CCDC149: variants seen among roughly 807,000 people sequenced by gnomAD.
The protein encoded by CCDC149 is coiled-coil domain containing 149.
A neutral mutation model predicts 59.9 loss-of-function variants in CCDC149; 45 were observed. That is an observed-to-expected ratio of 0.75 (90% CI 0.59 to 0.96). CCDC149 has a LOEUF of 0.96. Among genes scored for constraint, CCDC149 ranks in the 40% least tolerant of loss-of-function variants. The pLI, the probability that CCDC149 is intolerant of heterozygous loss-of-function variation, is 0.00. For missense variants in CCDC149, 584 were observed against 664.7 expected (o/e 0.88, Z 1.33); for synonymous variants, 245 against 260.6 (o/e 0.94, Z 0.58).
chr4:24,930,541 T>G (rs373962958), intron 1 of CCDC149, among the ~76,000 whole-genome samples: 9 of 152,326 alleles, frequency 5.9e-5, no homozygotes, highest in African/African-American at 1.7e-4. Context: ...GCAAATGATT[T>G]TTTTCTACTT....
intron 1 of CCDC149, among the ~76,000 whole-genome samples, chr4:24,934,881 G>A (rs1722696203): frequency 6.6e-6 from 1 of 152,218 alleles, no homozygotes; most frequent in Admixed American, 6.5e-5. Context: ...AACAGTTGAT[G>A]GAGACAGAGA....
chr4:24,837,481 T>C lies in CCDC149; in HGVS notation c.490-81A>G, dbSNP rs1036312558. 7 of 1,393,846 alleles carry C rather than the reference T, an allele frequency of 5.0e-6. No homozygotes were observed. Among genetic ancestry groups the C allele is most frequent in the East Asian group, 4.6e-5 (2 of 43,604 alleles). The allele number at this position is 1,393,846 out of a possible 1,614,324, so 86.3% of individuals were successfully genotyped here. On this transcript the variant is annotated intron_variant, in intron 5 of 12. Transcript: ENST00000635206. The surrounding 1 kb of genome is among the most constrained non-coding windows in gnomAD (Gnocchi z 4.3). ...GCCAGAGATGGAGCCTCCCACTTGG[T>C]TGACTGATTTTTAGAGAGTTTATTA... is the stretch of plus-strand genomic sequence containing the variant.
intron 1 of CCDC149, among the ~76,000 whole-genome samples, chr4:24,969,230 G>A (rs1723890368): frequency 1.3e-5 from 2 of 152,322 alleles, no homozygotes; most frequent in Non-Finnish European, 2.9e-5. Flanking sequence ...TTGACCAGGT[G>A]GTAAGTAGAC....
intron 4 of CCDC149, among the ~76,000 whole-genome samples, chr4:24,848,173 T>C (rs757020305): frequency 4.6e-5 from 7 of 152,170 alleles, no homozygotes; most frequent in Admixed American, 1.3e-4. Flanking sequence ...CCAGGGTCCA[T>C]GCTGTCTACG....
At chr4:24,881,653 T>TG (rs1315986355) in intron 1 of CCDC149, among the ~76,000 whole-genome samples, 8 of 152,178 alleles carry the variant, frequency 5.3e-5, no homozygotes, top group Admixed American at 1.3e-4. Context: ...TGGGACTGTC[T>TG]GGGGGGGAGA....
chr4:24,899,020 C>A (rs1384495235), intron 1 of CCDC149, among the ~76,000 whole-genome samples: 2 of 152,084 alleles, frequency 1.3e-5, no homozygotes, highest in African/African-American at 4.8e-5. Flanking sequence ...TTCTGCAGTC[C>A]CTAGAAAGCC....
intron 9 of CCDC149, chr4:24,829,573 G>A (rs914888327): frequency 1.3e-5 from 2 of 152,102 alleles, no homozygotes; most frequent in Non-Finnish European, 2.9e-5. Context: ...AATTAAAGAA[G>A]GAAGAGACTC....
At chr4:24,860,333 T>C (rs1457207694) in intron 3 of CCDC149, among the ~76,000 whole-genome samples, 1 of 151,932 alleles carries the variant, frequency 6.6e-6, no homozygotes, top group Non-Finnish European at 1.5e-5. Context: ...AACAAAAACA[T>C]AAGGTACGGA....
At chr4:24,813,492 A>ATATCTATATCTATATC (rs1469334407) in intron 12 of CCDC149, among the ~76,000 whole-genome samples, 5 of 6,448 alleles carry the variant, frequency 7.8e-4, no homozygotes, top group African/African-American at 1.1e-3. Flanking sequence ...CTTGGGGAAT[A>ATATCTATATCTATATC]TATATATATA....
chr4:24,803,780 C>A (rs1159705007), downstream of CCDC149, among the ~76,000 whole-genome samples: 4 of 152,152 alleles, frequency 2.6e-5, no homozygotes, highest in Non-Finnish European at 5.9e-5. This position sits in a 1 kb window ranked among gnomAD's most constrained non-coding sequence, Gnocchi z 4.3. Context: ...CAATATTATG[C>A]AAACTTTCCC....
intron 1 of CCDC149, among the ~76,000 whole-genome samples, chr4:24,922,007 G>A (rs1722307683): frequency 6.6e-6 from 1 of 152,146 alleles, no homozygotes; most frequent in African/African-American, 2.4e-5. Context: ...CCTTCCAAGG[G>A]CTTTGAGAGA....
intron 1 of CCDC149, among the ~76,000 whole-genome samples, chr4:24,888,635 T>C (rs1720341124): frequency 6.6e-6 from 1 of 152,160 alleles, no homozygotes; most frequent in Admixed American, 6.5e-5. Context: ...GGTTTGGTTA[T>C]CTATGGAGTA....
intron 9 of CCDC149, 200 bp downstream of exon 9, chr4:24,831,306 T>C (rs1386787269): frequency 1.7e-6 from 1 of 581,560 alleles, no homozygotes; most frequent in East Asian, 3.0e-5. Flanking sequence ...CTGGTACCCT[T>C]TCCTTGCTTG....
At chr4:24,879,883 G>A (rs971433836) in intron 1 of CCDC149, among the ~76,000 whole-genome samples, 1 of 152,062 alleles carries the variant, frequency 6.6e-6, no homozygotes. Flanking sequence ...CTCAAGCTCT[G>A]GAAGCCTCAA....
At chr4:24,952,553 A>G (rs1255446868) in intron 1 of CCDC149, among the ~76,000 whole-genome samples, 2 of 141,392 alleles carry the variant, frequency 1.4e-5, no homozygotes, top group Admixed American at 7.4e-5. Context: ...CCAAGATCAC[A>G]CTACTGCACT....
At chr4:24,844,466 G>A (rs942789772) in intron 4 of CCDC149, among the ~76,000 whole-genome samples, 11 of 152,104 alleles carry the variant, frequency 7.2e-5, no homozygotes, top group African/African-American at 2.4e-4. Context: ...GGCCCACTGG[G>A]AACCATGTAC....
chr4:24,919,989 A>G (rs1722238999), intron 1 of CCDC149, among the ~76,000 whole-genome samples: 1 of 152,224 alleles, frequency 6.6e-6, no homozygotes, highest in African/African-American at 2.4e-5. Context: ...CAATGTGCCC[A>G]AGGTCACAAA....
intron 1 of CCDC149, among the ~76,000 whole-genome samples, chr4:24,949,826 C>T (rs962534265): frequency 2.0e-5 from 3 of 152,132 alleles, no homozygotes; most frequent in Non-Finnish European, 2.9e-5. Flanking sequence ...GAGAATAAGA[C>T]CAGTGGGATC....
Position 24,807,229 on chromosome 4 carries a change from G to A in CCDC149, c.*1160C>T, listed in dbSNP as rs1360300180. On this transcript the variant is annotated 3_prime_UTR_variant, in exon 13 of 13. Transcript: ENST00000635206. ...TTTCTGCAGTGCCGGATGCCAACTA[G>A]AAAAGCTCATTTTTATCTGAAAGGA... 1 of 152,150 alleles carries A rather than the reference G, an allele frequency of 6.6e-6. No individual in the cohort carries two copies. 9.4% of individuals were successfully genotyped at this position (152,150 alleles called of 1,614,324 possible).
Sources: gnomAD v4.1 joint callset for allele counts (sites outside exome capture counted in the v4.1 genomes callset) on GRCh38, gnomAD v4.1.1 for gene constraint, Gnocchi (gnomAD v3.1) non-coding constraint, MANE v1.5 for transcripts, NCBI Gene and HGNC (gene_info 2026-07-23, HGNC 2026-07-21) for gene names.